Variants in PDCL3 observed in about 807,000 individuals in gnomAD.
PDCL3 encodes phosducin-like protein 3.
In PDCL3, 22 loss-of-function variants were observed where a neutral mutation model predicts 26.5. The observed-to-expected ratio is 0.83, with a 90% CI of 0.59 to 1.19. The LOEUF (loss-of-function observed/expected upper bound fraction) is 1.19, where lower values mean the gene tolerates loss of function less well. Ranked by LOEUF, PDCL3 falls within the 50% of genes most tolerant of loss-of-function variation. The pLI is 0.00. For missense variants in PDCL3, 246 were observed against 294.1 expected, an observed-to-expected ratio of 0.84 and a Z score of 1.20; for synonymous variants, 81 against 104.9, an observed-to-expected ratio of 0.77 and a Z score of 1.39.
Position 100,572,711 on chromosome 2 carries a change from G to T in PDCL3, c.577+913G>T, listed in dbSNP as rs971772403. On this transcript the variant is annotated intron_variant, in intron 5 of 5. Transcript: ENST00000264254. The stretch of plus-strand genomic sequence containing the variant: ...TTTTTTGTATTTTTAGTAGAGACAG[G>T]GTTTCTCCATGTGGTCAGGCTGGTC... Among the ~76,000 whole-genome samples the T allele has an allele frequency of 6.0e-5, 9 of 149,508 alleles. No individual in the cohort carries two copies. In the Admixed American group the frequency reaches 6.0e-4, roughly 10 times the overall value.
intron 1 of PDCL3, among the ~76,000 whole-genome samples, chr2:100,564,265 T>C (rs1335225072): frequency 1.3e-5 from 2 of 150,992 alleles, no homozygotes; most frequent in East Asian, 4.0e-4. Flanking sequence ...CTGACCACCC[T>C]GTAGAAAGGA....
At chr2:100,565,602 C>G (rs1431397782) in intron 1 of PDCL3, among the ~76,000 whole-genome samples, 1 of 151,986 alleles carries the variant, frequency 6.6e-6, no homozygotes, top group Non-Finnish European at 1.5e-5. Flanking sequence ...CCCCCAGACT[C>G]CTATCACAGA....
intron 4 of PDCL3, among the ~76,000 whole-genome samples, chr2:100,570,159 G>C (rs939652044): frequency 6.6e-6 from 1 of 152,040 alleles, no homozygotes; most frequent in Admixed American, 6.6e-5. Flanking sequence ...TTGCTGGTTT[G>C]CCCAAACCTT....
At chr2:100,574,004 T>A (rs1361691801) in intron 5 of PDCL3, among the ~76,000 whole-genome samples, 1 of 152,046 alleles carries the variant, frequency 6.6e-6, no homozygotes, top group Non-Finnish European at 1.5e-5. Flanking sequence ...GAGAGATATA[T>A]ATATTTTTTT....
At chr2:100,576,029 G>T (rs538222172) in intron 5 of PDCL3, among the ~76,000 whole-genome samples, 4 of 152,050 alleles carry the variant, frequency 2.6e-5, no homozygotes, top group Non-Finnish European at 5.9e-5. Context: ...CAAACAGCTG[G>T]GATTATAAGC....
chr2:100,571,855 G>GAAAT, intron 5 of PDCL3, 57 bp downstream of exon 5: 1 of 1,547,306 alleles, frequency 6.5e-7, no homozygotes, highest in Non-Finnish European at 8.9e-7. Context: ...ATTTCTGTTG[G>GAAAT]AGAGAGTGTC....
intron 4 of PDCL3, among the ~76,000 whole-genome samples, chr2:100,570,166 C>T (rs1675139618): frequency 6.6e-6 from 1 of 152,008 alleles, no homozygotes; most frequent in African/African-American, 2.4e-5. Context: ...TTTGCCCAAA[C>T]CTTATTACTT....
intron 5 of PDCL3, 35 bp downstream of exon 5, chr2:100,571,833 G>A (rs768819730): frequency 6.3e-7 from 1 of 1,592,572 alleles, no homozygotes; most frequent in Non-Finnish European, 8.6e-7. Context: ...GGCAGTGAGA[G>A]ATGGGAGGCG....
intron 5 of PDCL3, among the ~76,000 whole-genome samples, chr2:100,575,192 A>C (rs144961607): frequency 6.6e-6 from 1 of 152,062 alleles, no homozygotes; most frequent in Non-Finnish European, 1.5e-5. Context: ...CTGGAGTGCA[A>C]TGGCGCGATC....
chr2:100,566,052 C>T lies in PDCL3; in HGVS notation c.7-451C>T, dbSNP rs369476330. Among the ~76,000 whole-genome samples the T allele has an allele frequency of 1.4e-4, 22 of 152,136 alleles. No homozygotes were observed. In the East Asian group the frequency reaches 3.5e-3, roughly 24 times the overall value. Reference sequence around the variant, plus strand: ...CCAAGTAGCTGGGACTACAGGTGCCCGCCACCACGCTCGGCTAATTTTTTG... The same window carrying T: ...CCAAGTAGCTGGGACTACAGGTGCCTGCCACCACGCTCGGCTAATTTTTTG... On this transcript the variant is annotated intron_variant, in intron 1 of 5. Coordinates refer to ENST00000264254, the MANE Select transcript of PDCL3 (RefSeq NM_024065.5).
intron 5 of PDCL3, among the ~76,000 whole-genome samples, chr2:100,572,901 T>C (rs905482308): frequency 1.3e-5 from 2 of 152,076 alleles, no homozygotes; most frequent in Non-Finnish European, 2.9e-5. Context: ...GTTTGTTTTT[T>C]TGAGATGGAG....
intron 5 of PDCL3, among the ~76,000 whole-genome samples, chr2:100,574,359 T>TTG (rs1675238736): frequency 6.6e-6 from 1 of 151,692 alleles, no homozygotes; most frequent in Non-Finnish European, 1.5e-5. Context: ...TTTTTTTTTT[T>TTG]AAGAAACAGG....
At position 100,566,145 on chromosome 2, in the gene PDCL3, C is replaced by T. The variant is rs540160804; in HGVS notation, c.7-358C>T. 1.1e-3 allele frequency among the ~76,000 whole-genome samples: 165 copies of T among 152,200 alleles called. 1 individual carries two copies. The highest frequency in any genetic ancestry group is 2.2e-3 in the Non-Finnish European group (149 of 68,014). On this transcript the variant is annotated intron_variant, in intron 1 of 5. Coordinates refer to ENST00000264254, the MANE Select transcript of PDCL3 (RefSeq NM_024065.5). Reference sequence around the variant, plus strand: ...GTCTCTATCTCCTGACCTCGTGATCCGCCTGCCTCAGCCTCCCAAAGTGCT... The same window carrying T: ...GTCTCTATCTCCTGACCTCGTGATCTGCCTGCCTCAGCCTCCCAAAGTGCT...
chr2:100,574,176 G>A (rs990528952), intron 5 of PDCL3, among the ~76,000 whole-genome samples: 1 of 151,904 alleles, frequency 6.6e-6, no homozygotes, highest in Non-Finnish European at 1.5e-5. Context: ...GCTAAGTTTT[G>A]TATTTTTAGT....
At chr2:100,566,872 G>A (rs762534821) in intron 2 of PDCL3, among the ~76,000 whole-genome samples, 3 of 152,188 alleles carry the variant, frequency 2.0e-5, no homozygotes, top group Admixed American at 6.5e-5. Context: ...ACTTCTTTCT[G>A]CTTTCTGGTC....
At chr2:100,575,553 T>C (rs181857105) in intron 5 of PDCL3, among the ~76,000 whole-genome samples, 7 of 152,356 alleles carry the variant, frequency 4.6e-5, no homozygotes, top group African/African-American at 1.7e-4. Flanking sequence ...GCCTGGGCTC[T>C]TCTCTGAAGT....
chr2:100,568,687 G>A (rs1045394774), intron 2 of PDCL3, among the ~76,000 whole-genome samples: 4 of 152,058 alleles, frequency 2.6e-5, no homozygotes, highest in Non-Finnish European at 5.9e-5. Context: ...GAAGAGAGGG[G>A]AGGAGGATCT....
chr2:100,576,621 A>G lies in PDCL3; in HGVS notation c.*125A>G. The G allele has an allele frequency of 9.6e-7, 1 of 1,041,114 alleles. No homozygotes were observed. Among genetic ancestry groups the G allele is most frequent in the Non-Finnish European group, 1.3e-6 (1 of 799,002 alleles). 64.5% of individuals were successfully genotyped at this position (1,041,114 alleles called of 1,614,324 possible). ...TGTATAAATTATGTTTCAAATCTTT[A>G]CATTTTGGAAATAATCATTGCTGGA... On this transcript the variant is annotated 3_prime_UTR_variant, in exon 6 of 6. Transcript: ENST00000264254.
chr2:100,567,013 A>G (rs2946589), intron 2 of PDCL3, among the ~76,000 whole-genome samples: 98,509 of 152,062 alleles, frequency 0.65, 33,927 homozygotes, highest in East Asian at 1. Context: ...TTGGGGAGGC[A>G]TAAGATGTTT....
Sources: allele counts gnomAD v4.1 joint callset (sites outside exome capture counted in the v4.1 genomes callset), GRCh38; gene constraint gnomAD v4.1.1; transcripts MANE v1.5; gene names NCBI Gene and HGNC (gene_info 2026-07-23, HGNC 2026-07-21).